Variants in ELMO1 observed in about 807,000 individuals in gnomAD.
ELMO1 encodes engulfment and cell motility 1, also known as engulfment and cell motility protein 1.
ELMO1 carries 26 observed loss-of-function variants against 98.9 expected under a neutral mutation model. That is an observed-to-expected ratio of 0.26 (90% CI 0.19 to 0.36). ELMO1 has a LOEUF of 0.36. Among genes scored for constraint, ELMO1 ranks in the 10% least tolerant of loss-of-function variants. ELMO1 has a pLI of 1.00. For synonymous variants in ELMO1, 346 were observed against 346.0 expected (o/e 1.00, Z 0.00); for missense variants, 627 against 935.2 (o/e 0.67, Z 4.30).
chr7:37,424,794 G>C (rs17171036), intron 1 of ELMO1, among the ~76,000 whole-genome samples: 7,230 of 151,866 alleles, frequency 0.048, 267 homozygotes, highest in East Asian at 0.15. Flanking sequence ...TTTCAATCTG[G>C]GGACCTCTTG....
chr7:37,447,714 C>CCACCCACACACACACACACACACA (rs1323474343), intron 1 of ELMO1, among the ~76,000 whole-genome samples: 3 of 132,244 alleles, frequency 2.3e-5, no homozygotes, highest in African/African-American at 9.2e-5. Flanking sequence ...CGCGCACACA[C>CCACCCACACACACACACACACACA]CACACACACA....
intron 15 of ELMO1, among the ~76,000 whole-genome samples, chr7:37,047,270 A>C (rs563011520): frequency 6.6e-6 from 1 of 152,334 alleles, no homozygotes; most frequent in East Asian, 1.9e-4. Flanking sequence ...GTTAAATCAG[A>C]AATAGCTCAT....
At chr7:37,106,875 T>C (rs1228811546) in intron 14 of ELMO1, among the ~76,000 whole-genome samples, 1 of 152,148 alleles carries the variant, frequency 6.6e-6, no homozygotes, top group Non-Finnish European at 1.5e-5. Context: ...TACTCACAGA[T>C]CACCTGGAGA....
chr7:37,164,110 C>G (rs1344618335), intron 13 of ELMO1, among the ~76,000 whole-genome samples: 1 of 152,064 alleles, frequency 6.6e-6, no homozygotes, highest in Non-Finnish European at 1.5e-5. Flanking sequence ...ATTTTTTCAT[C>G]AGTCTTTTGG....
intron 16 of ELMO1, among the ~76,000 whole-genome samples, chr7:36,975,465 C>G (rs1790444382): frequency 6.7e-6 from 1 of 150,178 alleles, no homozygotes; most frequent in Non-Finnish European, 1.5e-5. Context: ...GAGCAAGTCT[C>G]AAAAATAAAA....
rs540859704 is a variant in ELMO1, at chr7:37,054,345, G to A, written c.1301-40910C>T. Reference sequence around the variant, plus strand: ...GTGATAATGATGACATTCACCCTCAGCCCCTTAGCATACACTAACTAACAG... The same window carrying A: ...GTGATAATGATGACATTCACCCTCAACCCCTTAGCATACACTAACTAACAG... On this transcript the variant is annotated intron_variant, in intron 15 of 21. Coordinates refer to ENST00000310758, the MANE Select transcript of ELMO1 (RefSeq NM_014800.11). Among the ~76,000 whole-genome samples, 6 of 152,174 alleles carry A rather than the reference G, an allele frequency of 3.9e-5. No homozygotes were observed. The South Asian group carries it at 1.2e-3, about 32-fold the overall frequency.
chr7:36,964,149 T>G (rs1789202245), intron 16 of ELMO1, among the ~76,000 whole-genome samples: 1 of 152,188 alleles, frequency 6.6e-6, no homozygotes, highest in South Asian at 2.1e-4. Flanking sequence ...TTAATATTCA[T>G]AAAGAGAATT....
intron 1 of ELMO1, among the ~76,000 whole-genome samples, chr7:37,381,378 G>A (rs1802573782): frequency 6.6e-6 from 1 of 152,154 alleles, no homozygotes; most frequent in Non-Finnish European, 1.5e-5. Context: ...TAGATTACTG[G>A]TTTACTAAAG....
At chr7:37,183,628 C>G (rs138575688) in intron 13 of ELMO1, among the ~76,000 whole-genome samples, 4 of 152,256 alleles carry the variant, frequency 2.6e-5, no homozygotes, top group African/African-American at 9.6e-5. Context: ...GATGTGCTCA[C>G]AGCAGGACAG....
At position 36,855,938 on chromosome 7, in the gene ELMO1, G is replaced by T. The variant is rs1247247905; in HGVS notation, c.1984-187C>A. Among the ~76,000 whole-genome samples, 1 of 152,212 alleles carries T rather than the reference G, an allele frequency of 6.6e-6. No homozygotes were observed. Among genetic ancestry groups the T allele is most frequent in the Non-Finnish European group, 1.5e-5 (1 of 68,026 alleles). ...ATACTTCTGTTATCTCTGTTTTATA[G>T]GTGAAGGAACTGAGGTACAGAGAAG... is the stretch of plus-strand genomic sequence containing the variant. On this transcript the variant is annotated intron_variant, in intron 21 of 21. Coordinates refer to ENST00000310758, the MANE Select transcript of ELMO1 (RefSeq NM_014800.11). This position sits in a 1 kb window ranked among gnomAD's most constrained non-coding sequence, Gnocchi z 4.2.
At chr7:37,128,864 T>C (rs1786706589) in intron 14 of ELMO1, among the ~76,000 whole-genome samples, 1 of 152,114 alleles carries the variant, frequency 6.6e-6, no homozygotes, top group Admixed American at 6.5e-5. Flanking sequence ...TCACAAGACA[T>C]TTACAATCAA....
intron 21 of ELMO1, among the ~76,000 whole-genome samples, chr7:36,857,408 T>G (rs149823000): frequency 1.8e-3 from 271 of 152,298 alleles, no homozygotes; most frequent in African/African-American, 6.4e-3. Flanking sequence ...CGGGTGCCAC[T>G]GAACTCTACA....
At chr7:37,074,920 T>G (rs1274578807) in intron 15 of ELMO1, among the ~76,000 whole-genome samples, 6 of 152,106 alleles carry the variant, frequency 3.9e-5, no homozygotes, top group Non-Finnish European at 7.4e-5. Flanking sequence ...CAGTAAGGGT[T>G]TTTCCACAGA....
At chr7:37,218,022 G>T (rs1793393964) in intron 10 of ELMO1, among the ~76,000 whole-genome samples, 1 of 152,176 alleles carries the variant, frequency 6.6e-6, no homozygotes, top group Non-Finnish European at 1.5e-5. Flanking sequence ...AACCCAGAAG[G>T]AACCTTCCCT....
intron 1 of ELMO1, among the ~76,000 whole-genome samples, chr7:37,383,391 A>G (rs1362956822): frequency 6.6e-6 from 1 of 152,250 alleles, no homozygotes. Context: ...TGGCAGACCT[A>G]TCACGGGAGT....
At chr7:36,962,476 G>C (rs1295572457) in intron 16 of ELMO1, among the ~76,000 whole-genome samples, 1 of 152,070 alleles carries the variant, frequency 6.6e-6, no homozygotes, top group East Asian at 1.9e-4. Flanking sequence ...AGTGACCCTG[G>C]GTCACTACAG....
At chr7:37,167,817 T>C (rs1229007699) in intron 13 of ELMO1, among the ~76,000 whole-genome samples, 1 of 150,234 alleles carries the variant, frequency 6.7e-6, no homozygotes, top group African/African-American at 2.4e-5. Flanking sequence ...ATTATGTGTC[T>C]TGGAGTTGCT....
chr7:36,945,024 G>C (rs553274784), intron 16 of ELMO1, among the ~76,000 whole-genome samples: 2 of 152,154 alleles, frequency 1.3e-5, no homozygotes, highest in Non-Finnish European at 2.9e-5. Context: ...GCTGACTCAC[G>C]GCAGCTTTGC....
rs368913504 is a variant in ELMO1, at chr7:37,314,880, G to C, written c.162C>G (p.Ala54=). The C allele has an allele frequency of 4.3e-6, 7 of 1,613,416 alleles. No individual in the cohort carries two copies. The highest frequency in any genetic ancestry group is 4.0e-5 in the African/African-American group (3 of 74,824). Residue 54 remains alanine, a synonymous_variant, in exon 4 of 22, where the codon GCC becomes GCG. Coordinates refer to ENST00000310758, the MANE Select transcript of ELMO1 (RefSeq NM_014800.11). ...CTGTGATATAGAAGTTTGAACTATCGGCATGCTGGAGTGCAAAATATTCAT... is the reference window on the plus strand; with the variant it reads ...CTGTGATATAGAAGTTTGAACTATCCGCATGCTGGAGTGCAAAATATTCAT... ...ANHEYFALQH[A]DSSNFYITEK...
Sources: gnomAD v4.1 joint callset for allele counts (sites outside exome capture counted in the v4.1 genomes callset) on GRCh38, gnomAD v4.1.1 for gene constraint, Gnocchi (gnomAD v3.1) non-coding constraint, MANE v1.5 for transcripts, NCBI Gene and HGNC (gene_info 2026-07-23, HGNC 2026-07-21) for gene names.